The following HRNR variants were observed in gnomAD, a reference collection of about 807,000 sequenced individuals.
HRNR encodes hornerin.
HRNR carries 7 observed loss-of-function variants against 4.8 expected under a neutral mutation model. The observed-to-expected ratio is 1.47, with a 90% CI of 0.83 to 2.75. The LOEUF is 2.75. Ranked by LOEUF, HRNR falls within the 30% of genes most tolerant of loss-of-function variation. The pLI, the probability that HRNR is intolerant of heterozygous loss-of-function variation, is 0.00. For synonymous variants in HRNR, 1,023 were observed against 1,242.7 expected, an observed-to-expected ratio of 0.82 and a Z score of 3.72; for missense variants, 2,879 against 3,010.4, an observed-to-expected ratio of 0.96 and a Z score of 1.02.
Position 152,219,321 on chromosome 1 carries a change from A to T in HRNR, c.2308T>A (p.Ser770Thr), listed in dbSNP as rs369198112. The T allele has an allele frequency of 2.8e-5, 45 of 1,612,102 alleles. 1 individual carries two copies. Among genetic ancestry groups the T allele is most frequent in the Non-Finnish European group, 3.6e-5 (42 of 1,179,706 alleles). The change falls in exon 3 of 3, where the codon TCT (serine) becomes ACT (threonine). Residue 770 changes from serine (S) to threonine (T), a missense_variant. Coordinates refer to ENST00000368801, the MANE Select transcript of HRNR (RefSeq NM_001009931.3). ...HQSSGHGRQGSGSGHSPSRVR... is the reference protein window; with the variant it reads ...HQSSGHGRQGTGSGHSPSRVR... ...CGGCTAGGAGAGTGGCCAGATCCAG[A>T]CCCTTGTCGGCCGTGGCCCGAAGAT...
Position 152,218,513 on chromosome 1 carries a change from G to T in HRNR, c.3116C>A (p.Pro1039Gln). The change falls in exon 3 of 3, where the codon CCA becomes CAA. Residue 1039 changes from proline to glutamine, a missense_variant. Coordinates refer to ENST00000368801, the MANE Select transcript of HRNR (RefSeq NM_001009931.3). The stretch of plus-strand genomic sequence containing the variant: ...AGAGTGACCGGAGCCAGACTCATAT[G>T]GGCCACGGCTTGAAGACCACCCTGA... ...SGSGWSSSRG[P>Q]YESGSGHSSG... The T allele has an allele frequency of 1.2e-6, 2 of 1,613,038 alleles. No individual in the cohort carries two copies. Among genetic ancestry groups the T allele is most frequent in the Non-Finnish European group, 8.5e-7 (1 of 1,179,824 alleles).
rs1333454168 is a variant in HRNR at position 152,221,154 on chromosome 1, GTC to G, written c.473_474del (p.Arg158ThrfsTer12). On this transcript the variant is annotated frameshift_variant, in exon 3 of 3. Coordinates refer to ENST00000368801, the MANE Select transcript of HRNR (RefSeq NM_001009931.3). LOFTEE classifies it low-confidence loss of function (END_TRUNC). ...CCAGAAAAGTCTCTTTGAAAACTCA[GTC>G]TTCTGGATATGGATTCAGTCCCAGG... ...LKPGTESISRRLSFQRDFSGQ... is the reference protein window; with the variant it reads ...LKPGTESISRXLSFQRDFSGQ... 1 of 1,614,226 alleles carries G rather than the reference GTC, an allele frequency of 6.2e-7. No individual in the cohort carries two copies. Among genetic ancestry groups the G allele is most frequent in the South Asian group, 1.1e-5 (1 of 91,086 alleles).
In HRNR at chr1:152,221,055, G is replaced by T. The variant is rs551365531; in HGVS notation, c.574C>A (p.Arg192Ser). Reference sequence around the variant, plus strand: ...CCTGACCCAGACCCACATTGGCCGCGGCCTGAAGACTGATGGGAGTCGGAG... The same window carrying T: ...CCTGACCCAGACCCACATTGGCCGCTGCCTGAAGACTGATGGGAGTCGGAG... ...QNSDSHQSSGRGQCGSGSGQS... is the reference protein window; with the variant it reads ...QNSDSHQSSGSGQCGSGSGQS... Residue 192 changes from arginine to serine, a missense_variant, in exon 3 of 3, where the codon CGC becomes AGC. Coordinates refer to ENST00000368801, the MANE Select transcript of HRNR (RefSeq NM_001009931.3). The T allele has an allele frequency of 3.1e-6, 5 of 1,613,264 alleles. No individual in the cohort carries two copies. The highest frequency in any genetic ancestry group is 1.3e-5 in the African/African-American group (1 of 74,932).
In HRNR at chr1:152,213,110, TATTC is replaced by T. The variant is rs1358779001; in HGVS notation, c.8515_8518del (p.Glu2839MetfsTer13). The T allele has an allele frequency of 6.2e-7, 1 of 1,613,940 alleles. No homozygotes were observed. The highest frequency in any genetic ancestry group is 1.7e-5 in the Admixed American group (1 of 60,024). ...AAAGTAGCACCTCTGCTCTTGGACA[TATTC>T]ATAGGGTGAAGTGCTACTAGGAAAA... On this transcript the variant is annotated frameshift_variant, in exon 3 of 3. Transcript: ENST00000368801. LOFTEE classifies it low-confidence loss of function (END_TRUNC).
At position 152,219,622 on chromosome 1, in the gene HRNR, A is replaced by G. The variant is rs200002963; in HGVS notation, c.2007T>C (p.Phe669=). ...GTTGGCCGTAGCTGGAAGAGTGCCCAAAATCGGACCCATGTCGGCCGCGAC... is the reference window on the plus strand; with the variant it reads ...GTTGGCCGTAGCTGGAAGAGTGCCCGAAATCGGACCCATGTCGGCCGCGAC... ...SPSRGRHGSD[F]GHSSSYGQHG... is the part of the protein sequence containing the mutation. Residue 669 remains phenylalanine (F), a synonymous_variant, in exon 3 of 3, where the codon TTT becomes TTC. Coordinates refer to ENST00000368801, the MANE Select transcript of HRNR (RefSeq NM_001009931.3). The G allele has an allele frequency of 1.8e-5, 28 of 1,599,972 alleles. No individual in the cohort carries two copies. The East Asian group carries it at 2.9e-4, about 17-fold the overall frequency.
chr1:152,223,953 G>A (rs1270633161), intron 1 of HRNR, among the ~76,000 whole-genome samples, 190 bp downstream of exon 1: 1 of 152,176 alleles, frequency 6.6e-6, no homozygotes, highest in African/African-American at 2.4e-5. Context: ...CTCAAAGAAA[G>A]GAGATAATAT....
chr1:152,219,522 G>C lies in HRNR; in HGVS notation c.2107C>G (p.His703Asp). 1 of 1,613,878 alleles carries C rather than the reference G, an allele frequency of 6.2e-7. No homozygotes were observed. The highest frequency in any genetic ancestry group is 8.5e-7 in the Non-Finnish European group (1 of 1,180,006). ...GAGGACTGCCCTGAGCCAGACTTGT[G>C]ACCAAAGCCGGAAGACTGGCCTGAG... is the stretch of plus-strand genomic sequence containing the variant. ...SVSGQSSGFG[H>D]KSGSGQSSGY... is the part of the protein sequence containing the mutation. The change falls in exon 3 of 3, where the codon CAC becomes GAC. Residue 703 changes from histidine (H) to aspartate (D), a missense_variant. Coordinates refer to ENST00000368801, the MANE Select transcript of HRNR (RefSeq NM_001009931.3).
Position 152,213,323 on chromosome 1 carries a change from G to T in HRNR, c.8306C>A (p.Ser2769Tyr), listed in dbSNP as rs190396444. The change falls in exon 3 of 3, where the codon TCT becomes TAT. Residue 2769 changes from serine to tyrosine, a missense_variant. Physicochemically the swap from Ser to Tyr is moderately radical, Grantham distance 144. Coordinates refer to ENST00000368801, the MANE Select transcript of HRNR (RefSeq NM_001009931.3). ...AGACCCGTGTCGGCCGTGGCTAAGA[G>T]ACTGGCCAGATCCAGCCCCATGTCG... ...YGRHGAGSGQ[S>Y]LSHGRHGSGS... 3.3e-4 allele frequency: 259 copies of T among 792,460 alleles called. 60 individuals carry two copies. The East Asian group carries it at 5.4e-3, about 17-fold the overall frequency. 49.1% of individuals were successfully genotyped at this position (792,460 alleles called of 1,614,324 possible).
At position 152,220,942 on chromosome 1, in the gene HRNR, A is replaced by G; in HGVS notation, c.687T>C (p.Ser229=). The change falls in exon 3 of 3, where the codon TCT becomes TCC. Residue 229 remains serine (S), a synonymous_variant. Transcript: ENST00000368801. ...AGCTAGACTTGTGTTGACTAAAGCC[A>G]GAAGACTGGCCTGAGCCAGACCCAT... ...DTHGSGSGQS[S]GFSQHKSSSG... The G allele has an allele frequency of 1.2e-6, 2 of 1,612,424 alleles. No individual in the cohort carries two copies. The highest frequency in any genetic ancestry group is 1.3e-5 in the African/African-American group (1 of 75,014).
In HRNR at chr1:152,218,710, A is replaced by G. The variant is rs769556421; in HGVS notation, c.2919T>C (p.His973=). Residue 973 remains histidine, a synonymous_variant, in exon 3 of 3, where the codon CAT becomes CAC. Transcript: ENST00000368801. The part of the protein sequence containing the change: ...RSGQSSRSEQ[H]GSSSGSSSSY... The stretch of plus-strand genomic sequence containing the variant: ...TGGAAGACGAACCTGAGCTAGATCC[A>G]TGTTGTTCGCTCCTAGATGACTGTC... 19 of 1,613,460 alleles carry G rather than the reference A, an allele frequency of 1.2e-5. No individual in the cohort carries two copies. The highest frequency in any genetic ancestry group is 8.9e-5 in the East Asian group (4 of 44,794).
rs1648420802 is a variant in HRNR, at chr1:152,212,531, T to C, written c.*545A>G. On this transcript the variant is annotated 3_prime_UTR_variant, in exon 3 of 3. Coordinates refer to ENST00000368801, the MANE Select transcript of HRNR (RefSeq NM_001009931.3). Reference sequence around the variant, plus strand: ...CCCAAGAAAAAGGACTTGATGGTTTTGATAAGTAAAGACACTACCGCTGCT... The same window carrying C: ...CCCAAGAAAAAGGACTTGATGGTTTCGATAAGTAAAGACACTACCGCTGCT... 6.4e-6 allele frequency: 1 copy of C among 156,840 alleles called. No individual in the cohort carries two copies. The highest frequency in any genetic ancestry group is 1.4e-5 in the Non-Finnish European group (1 of 70,870). The allele number at this position is 156,840 out of a possible 1,614,324, so 9.7% of individuals were successfully genotyped here. A position where few individuals can be genotyped will look rare whatever the true frequency, so the allele number is the denominator to read the frequency against.
chr1:152,218,352 C>T lies in HRNR; in HGVS notation c.3277G>A (p.Gly1093Arg), dbSNP rs1648737585. ...SGQSSSCGQH[G>R]ASSGQSSSHG... ...CTGGAAGACTGACCTGAGCTAGCTC[C>T]ATGTTGGCCACAGCTCGATGACTGT... The change falls in exon 3 of 3, where the codon GGA becomes AGA. Residue 1093 changes from glycine (G) to arginine (R), a missense_variant. Physicochemically the swap from Gly to Arg is moderately radical, Grantham distance 125. Around this residue, in one of 8 missense-constraint regions of HRNR, gnomAD observed 2,646 missense variants for 1,377.7 expected, o/e 1.92. Transcript: ENST00000368801. The T allele has an allele frequency of 3.7e-6, 6 of 1,611,344 alleles. No homozygotes were observed. The highest frequency in any genetic ancestry group is 5.1e-6 in the Non-Finnish European group (6 of 1,179,728).
In HRNR at chr1:152,221,284, A is replaced by G. The variant is rs773365221; in HGVS notation, c.345T>C (p.Thr115=). 47 of 1,613,836 alleles carry G rather than the reference A, an allele frequency of 2.9e-5. No homozygotes were observed. The highest frequency in any genetic ancestry group is 3.6e-5 in the Non-Finnish European group (42 of 1,180,012). The change falls in exon 3 of 3, where the codon ACT becomes ACC. Residue 115 remains threonine (T), a synonymous_variant. Coordinates refer to ENST00000368801, the MANE Select transcript of HRNR (RefSeq NM_001009931.3). The stretch of plus-strand genomic sequence containing the variant: ...CTTGCCGTTTGTTCTCCTCTTTTTC[A>G]GTTTCTTCTTGTTCCTCTTGGTGCT... ...THQHQEEQEE[T]EKEENKRQES... is the part of the protein sequence containing the mutation.
rs141928962 is a variant in HRNR at position 152,219,089 on chromosome 1, G to A, written c.2540C>T (p.Thr847Met). The change falls in exon 3 of 3, where the codon ACG becomes ATG. Residue 847 changes from threonine (T) to methionine (M), a missense_variant. By Grantham distance (81) the Thr-to-Met change is moderately conservative. Around this residue, in one of 8 missense-constraint regions of HRNR, gnomAD observed 2,646 missense variants for 1,377.7 expected, o/e 1.92. Transcript: ENST00000368801. Reference sequence around the variant, plus strand: ...GCCGGAGCTTGATGACTGCCCTGACGTAGATCCATGTCGTCCCTGGCTAGA... The same window carrying A: ...GCCGGAGCTTGATGACTGCCCTGACATAGATCCATGTCGTCCCTGGCTAGA... Reference protein sequence around the residue: ...HFSSQGRHGSTSGQSSSSGQH... With the variant: ...HFSSQGRHGSMSGQSSSSGQH... 1.4e-5 allele frequency: 23 copies of A among 1,613,180 alleles called. 1 individual carries two copies. Among genetic ancestry groups the A allele is most frequent in the Middle Eastern group, 1.6e-4 (1 of 6,080 alleles).
chr1:152,219,060 G>T lies in HRNR; in HGVS notation c.2569C>A (p.His857Asn), dbSNP rs767369232. The T allele has an allele frequency of 1.2e-5, 19 of 1,613,786 alleles. 1 individual carries two copies. In the East Asian group the frequency reaches 2.7e-4, roughly 23 times the overall value. ...TSGQSSSSGQHDSSSGQSSSY... is the reference protein window; with the variant it reads ...TSGQSSSSGQNDSSSGQSSSY... The stretch of plus-strand genomic sequence containing the variant: ...GAAGATTGACCTGAGCTAGAGTCAT[G>T]TTGGCCGGAGCTTGATGACTGCCCT... The change falls in exon 3 of 3, where the codon CAT (histidine) becomes AAT (asparagine). Residue 857 changes from histidine (H) to asparagine (N), a missense_variant. Coordinates refer to ENST00000368801, the MANE Select transcript of HRNR (RefSeq NM_001009931.3).
Position 152,219,645 on chromosome 1 carries a change from G to T in HRNR, c.1984C>A (p.Arg662Ser), listed in dbSNP as rs145811541. ...CCAAAATCGGACCCATGTCGGCCGC[G>T]ACTAGGAGACTGGCCAGATCCAGAG... ...QGSGSGQSPS[R>S]GRHGSDFGHS... is the part of the protein sequence containing the mutation. Residue 662 changes from arginine (R) to serine (S), a missense_variant, in exon 3 of 3, where the codon CGC becomes AGC. Coordinates refer to ENST00000368801, the MANE Select transcript of HRNR (RefSeq NM_001009931.3). The T allele has an allele frequency of 1.9e-6, 3 of 1,613,078 alleles. No homozygotes were observed. The highest frequency in any genetic ancestry group is 2.2e-5 in the East Asian group (1 of 44,800).
Position 152,213,016 on chromosome 1 carries a change from A to G in HRNR, c.*60T>C. The G allele has an allele frequency of 4.5e-6, 7 of 1,556,858 alleles. No homozygotes were observed. The South Asian group carries it at 7.5e-5, about 17-fold the overall frequency. On this transcript the variant is annotated 3_prime_UTR_variant, in exon 3 of 3. Coordinates refer to ENST00000368801, the MANE Select transcript of HRNR (RefSeq NM_001009931.3). ...ATTGCTTGTCTTTCATGATGAATTC[A>G]TAGATGACTTTCCTATTTCTTAAAT... is the stretch of plus-strand genomic sequence containing the variant.
rs544086588 is a variant in HRNR at position 152,220,128 on chromosome 1, A to G, written c.1501T>C (p.Ser501Pro). The G allele has an allele frequency of 3.7e-6, 6 of 1,612,788 alleles. No homozygotes were observed. The highest frequency in any genetic ancestry group is 5.1e-6 in the Non-Finnish European group (6 of 1,179,416). Residue 501 changes from serine (S) to proline (P), a missense_variant, in exon 3 of 3, where the codon TCA becomes CCA. Coordinates refer to ENST00000368801, the MANE Select transcript of HRNR (RefSeq NM_001009931.3). The stretch of plus-strand genomic sequence containing the variant: ...GATCCTTGTCGTTCACCCCTAGATG[A>G]CTGTCCTGACCTAGAGCCGTGTTGT... Reference protein sequence around the residue: ...HGQHGSRSGQSSRGERQGSSA... With the variant: ...HGQHGSRSGQPSRGERQGSSA...
In HRNR at chr1:152,212,875, C is replaced by G; in HGVS notation, c.*201G>C. The G allele has an allele frequency of 1.5e-6, 1 of 681,676 alleles. No homozygotes were observed. Among genetic ancestry groups the G allele is most frequent in the Non-Finnish European group, 2.4e-6 (1 of 416,038 alleles). 42.2% of individuals were successfully genotyped at this position (681,676 alleles called of 1,614,324 possible). ...CTCAGTATTTTCTAACAAAGTAGCA[C>G]AAATGCCTAACAGTCTTTGGAAGGA... is the stretch of plus-strand genomic sequence containing the variant. On this transcript the variant is annotated 3_prime_UTR_variant, in exon 3 of 3. Coordinates refer to ENST00000368801, the MANE Select transcript of HRNR (RefSeq NM_001009931.3).
Sources: gnomAD v4.1 joint callset for allele counts (sites outside exome capture counted in the v4.1 genomes callset) on GRCh38, gnomAD v4.1.1 for gene constraint, gnomAD v4.1.1 regional missense constraint, MANE v1.5 for transcripts, NCBI Gene and HGNC (gene_info 2026-07-23, HGNC 2026-07-21) for gene names.